DCC: variants seen among roughly 807,000 people sequenced by gnomAD.
The protein encoded by DCC is DCC netrin 1 receptor, also known as netrin receptor DCC.
DCC carries 58 observed loss-of-function variants against 172.5 expected under a neutral mutation model. That is an observed-to-expected ratio of 0.34 (90% confidence interval 0.27 to 0.42). The LOEUF (loss-of-function observed/expected upper bound fraction) is 0.42. Among genes scored for constraint, DCC ranks in the 10% least tolerant of loss-of-function variants. The pLI is 1.00. For synonymous variants in DCC, 709 were observed against 644.5 expected (o/e 1.10, Z -1.52); for missense variants, 1,740 against 1,791.0 (o/e 0.97, Z 0.51).
chr18:52,559,610 T>C (rs1199296137), intron 1 of DCC, among the ~76,000 whole-genome samples: 2 of 152,064 alleles, frequency 1.3e-5, no homozygotes, highest in Non-Finnish European at 2.9e-5. Context: ...TATGAAATAA[T>C]GTAAATCATG....
chr18:52,754,623 G>T (rs915531651), intron 2 of DCC, among the ~76,000 whole-genome samples: 1 of 152,222 alleles, frequency 6.6e-6, no homozygotes, highest in African/African-American at 2.4e-5. Context: ...ATCAATGTCT[G>T]TTGTTTACAG....
At chr18:52,506,926 T>C (rs576434194) in intron 1 of DCC, among the ~76,000 whole-genome samples, 181 of 152,282 alleles carry the variant, frequency 1.2e-3, no homozygotes, top group African/African-American at 4.2e-3. Flanking sequence ...ATATTTTAAA[T>C]AATCGTATTT....
chr18:52,581,907 G>T (rs1452936628), intron 1 of DCC, among the ~76,000 whole-genome samples: 1 of 152,148 alleles, frequency 6.6e-6, no homozygotes, highest in Non-Finnish European at 1.5e-5. Context: ...TTAGGGTGAT[G>T]AACTAACTAT....
chr18:52,986,392 T>A (rs1312215668), intron 5 of DCC, among the ~76,000 whole-genome samples: 4 of 152,196 alleles, frequency 2.6e-5, no homozygotes, highest in African/African-American at 9.6e-5. Flanking sequence ...ACTTTCCTAT[T>A]TTCCTGCCTC....
chr18:52,845,531 C>A (rs1396789401), intron 2 of DCC, among the ~76,000 whole-genome samples: 1 of 152,114 alleles, frequency 6.6e-6, no homozygotes, highest in Non-Finnish European at 1.5e-5. Flanking sequence ...AACCTCTAAA[C>A]AATTAGAGGC....
intron 7 of DCC, among the ~76,000 whole-genome samples, chr18:53,133,383 T>C (rs2144326054): frequency 6.6e-6 from 1 of 152,336 alleles, no homozygotes; most frequent in Non-Finnish European, 1.5e-5. Flanking sequence ...TTTAGTTTTT[T>C]TCCTTTTCTT....
At chr18:53,130,168 G>C (rs1408356595) in intron 7 of DCC, among the ~76,000 whole-genome samples, 1 of 152,040 alleles carries the variant, frequency 6.6e-6, no homozygotes, top group Admixed American at 6.6e-5. Flanking sequence ...TAAAAGTGAA[G>C]CACTAAAAAT....
At chr18:52,810,965 A>T (rs1306782416) in intron 2 of DCC, among the ~76,000 whole-genome samples, 1 of 152,152 alleles carries the variant, frequency 6.6e-6, no homozygotes, top group East Asian at 1.9e-4. Flanking sequence ...TCTGAAATAT[A>T]ATGTGGATGG....
chr18:52,768,462 G>T (rs984971419), intron 2 of DCC, among the ~76,000 whole-genome samples: 7 of 152,142 alleles, frequency 4.6e-5, no homozygotes, highest in African/African-American at 1.7e-4. Flanking sequence ...AAGAGCTTCT[G>T]TAGAAAGCAA....
At chr18:52,575,035 C>T (rs147442756) in intron 1 of DCC, among the ~76,000 whole-genome samples, 61 of 152,242 alleles carry the variant, frequency 4.0e-4, no homozygotes, top group South Asian at 6.2e-4. Flanking sequence ...GCATCTGCCT[C>T]GTGGGGTTTT....
chr18:52,903,911 T>G (rs1415270289), intron 2 of DCC, among the ~76,000 whole-genome samples: 4 of 152,214 alleles, frequency 2.6e-5, no homozygotes, highest in African/African-American at 9.6e-5. Context: ...GACTGTATAA[T>G]GCAGACAGTC....
intron 1 of DCC, among the ~76,000 whole-genome samples, chr18:52,503,534 A>T (rs929428275): frequency 3.7e-4 from 56 of 152,294 alleles, no homozygotes; most frequent in Non-Finnish European, 2.8e-4. Context: ...CTCAGAGTTT[A>T]TGTTCCTGAG....
intron 1 of DCC, chr18:52,419,576 G>A (rs771373266): frequency 1.3e-5 from 2 of 152,098 alleles, no homozygotes; most frequent in Non-Finnish European, 2.9e-5. Flanking sequence ...AAAGAAGAAA[G>A]ACATTTCCTA....
intron 2 of DCC, among the ~76,000 whole-genome samples, chr18:52,831,002 G>T (rs1289176562): frequency 6.6e-6 from 1 of 152,046 alleles, no homozygotes; most frequent in African/African-American, 2.4e-5. Context: ...TCAGGGCATA[G>T]GGCAAGTCTC....
chr18:53,402,997 C>G lies in DCC; in HGVS notation c.2935+104C>G, dbSNP rs1217203180. The stretch of plus-strand genomic sequence containing the variant: ...CCTTTCGTGTGGCATTATTCTGTCC[C>G]TACATCTCAGCTGACTCCATGACCC... On this transcript the variant is annotated intron_variant, in intron 19 of 28. Coordinates refer to ENST00000442544, the MANE Select transcript of DCC (RefSeq NM_005215.4). 1.3e-5 allele frequency: 11 copies of G among 839,212 alleles called. No individual in the cohort carries two copies. The East Asian group carries it at 2.7e-4, about 21-fold the overall frequency. The allele number at this position is 839,212 out of a possible 1,614,324, so 52.0% of individuals were successfully genotyped here.
intron 7 of DCC, among the ~76,000 whole-genome samples, chr18:53,088,894 C>T (rs777902118): frequency 9.9e-5 from 15 of 152,158 alleles, no homozygotes; most frequent in South Asian, 2.1e-4. Context: ...TAGCCAGAAA[C>T]GAGCATTAAC....
intron 2 of DCC, among the ~76,000 whole-genome samples, chr18:52,774,041 C>A (rs1186338430): frequency 6.6e-6 from 1 of 152,178 alleles, no homozygotes; most frequent in African/African-American, 2.4e-5. Context: ...GCAAACCACT[C>A]TGTAACAGGG....
intron 1 of DCC, among the ~76,000 whole-genome samples, chr18:52,582,041 G>A (rs1284476868): frequency 6.7e-6 from 1 of 148,450 alleles, no homozygotes; most frequent in Non-Finnish European, 1.5e-5. Flanking sequence ...AGTCCATCAG[G>A]ATAATGCACT....
At chr18:53,242,058 AG>A in intron 12 of DCC, among the ~76,000 whole-genome samples, 2 of 152,292 alleles carry the variant, frequency 1.3e-5, no homozygotes. Context: ...CTTTTTAAAA[AG>A]TTTTCCTGCT....
Sources: gnomAD v4.1 joint callset for allele counts (sites outside exome capture counted in the v4.1 genomes callset) on GRCh38, gnomAD v4.1.1 for gene constraint, MANE v1.5 for transcripts, NCBI Gene and HGNC (gene_info 2026-07-23, HGNC 2026-07-21) for gene names.